The following RARB variants were observed in gnomAD, a reference collection of about 807,000 sequenced individuals.
RARB encodes HBV-activated protein.
A neutral mutation model predicts 51.9 loss-of-function variants in RARB; 17 were observed. The observed-to-expected ratio is 0.33, with a 90% CI of 0.22 to 0.49. The LOEUF is 0.49. Among genes scored for constraint, RARB ranks in the 20% least tolerant of loss-of-function variants. The pLI, the probability that RARB is intolerant of heterozygous loss-of-function variation, is 0.99. For missense variants in RARB, 369 were observed against 550.8 expected (o/e 0.67, Z 3.30); for synonymous variants, 215 against 195.4 (o/e 1.10, Z -0.84).
intron 3 of RARB, among the ~76,000 whole-genome samples, chr3:25,562,912 G>A (rs1700330609): frequency 6.6e-6 from 1 of 152,186 alleles, no homozygotes; most frequent in South Asian, 2.1e-4. Context: ...AGTTTCATTA[G>A]CATAACATAC....
At chr3:25,550,198 A>G (rs939993246) in intron 3 of RARB, among the ~76,000 whole-genome samples, 8 of 152,212 alleles carry the variant, frequency 5.3e-5, no homozygotes, top group African/African-American at 1.9e-4. Context: ...TGGCAGTAAA[A>G]TCTGTCTACA....
At chr3:25,395,250 G>T (rs575581329) in intron 5 of RARB, among the ~76,000 whole-genome samples, 22 of 152,282 alleles carry the variant, frequency 1.4e-4, no homozygotes, top group Admixed American at 1.3e-3. Context: ...GTGGCTTGAA[G>T]GGTTTCTGCT....
intron 2 of RARB, among the ~76,000 whole-genome samples, chr3:24,971,887 T>C (rs769493428): frequency 2.0e-5 from 3 of 152,014 alleles, no homozygotes; most frequent in Admixed American, 6.6e-5. Flanking sequence ...ATTTTTGTTA[T>C]ATTGATACAT....
chr3:25,565,241 T>TC (rs1183061184), intron 3 of RARB, among the ~76,000 whole-genome samples: 1 of 152,222 alleles, frequency 6.6e-6, no homozygotes, highest in African/African-American at 2.4e-5. Context: ...GGCAGGGTAC[T>TC]CACCTTCCTG....
chr3:25,565,890 C>T lies in RARB; in HGVS notation c.449-3868C>T, dbSNP rs139816975. ...ATCTCGGGGGAGGCTCTGAAAGGAG[C>T]TGTCTCCTCTGGAGTTGACCCCAGG... is the stretch of plus-strand genomic sequence containing the variant. On this transcript the variant is annotated intron_variant, in intron 3 of 7. Transcript: ENST00000330688. Among the ~76,000 whole-genome samples, 620 of 152,270 alleles carry T rather than the reference C, an allele frequency of 4.1e-3. 1 individual carries two copies. The highest frequency in any genetic ancestry group is 6.7e-3 in the Non-Finnish European group (453 of 68,010).
rs987823207 is a variant in RARB, at chr3:25,501,165, T to A, written c.307-17T>A. The A allele has an allele frequency of 6.4e-7, 1 of 1,566,986 alleles. No homozygotes were observed. Among genetic ancestry groups the A allele is most frequent in the Non-Finnish European group, 8.6e-7 (1 of 1,163,468 alleles). The stretch of plus-strand genomic sequence containing the variant: ...ATTTGCTTTACTGAGTTTTTTCATC[T>A]TCTTGCTTGCTTGCAGGGCTTTTTC... On this transcript the variant is annotated splice_polypyrimidine_tract_variant and intron_variant, in intron 2 of 7. Transcript: ENST00000330688.
chr3:25,577,397 CAT>C (rs1700982844), intron 4 of RARB, among the ~76,000 whole-genome samples: 2 of 152,122 alleles, frequency 1.3e-5, no homozygotes, highest in Admixed American at 1.3e-4. Context: ...CATGCAAAAA[CAT>C]ACAAAATGCA....
chr3:25,069,737 G>A (rs1259910478), intron 3 of RARB, among the ~76,000 whole-genome samples: 1 of 152,202 alleles, frequency 6.6e-6, no homozygotes, highest in African/African-American at 2.4e-5. Context: ...AGATGAATGA[G>A]CAGTCTTTTT....
chr3:24,962,090 T>C (rs558922677), intron 2 of RARB, among the ~76,000 whole-genome samples: 16 of 152,052 alleles, frequency 1.1e-4, no homozygotes, highest in Non-Finnish European at 2.4e-4. Context: ...CCACCACACC[T>C]GGCTGATTTT....
intron 2 of RARB, among the ~76,000 whole-genome samples, chr3:24,964,982 A>G (rs1183032361): frequency 6.6e-6 from 1 of 152,200 alleles, no homozygotes; most frequent in Non-Finnish European, 1.5e-5. Context: ...AAGTATTGGC[A>G]ACCAAAGATA....
At chr3:25,441,014 G>A (rs1209714639) in intron 1 of RARB, 2 of 134,004 alleles carry the variant, frequency 1.5e-5, no homozygotes, top group African/African-American at 2.8e-5. Flanking sequence ...ATATACCTAG[G>A]TACCTTTTGA....
chr3:25,084,347 G>T (rs1456387397), intron 3 of RARB, among the ~76,000 whole-genome samples: 1 of 152,014 alleles, frequency 6.6e-6, no homozygotes, highest in Non-Finnish European at 1.5e-5. Flanking sequence ...TAGTTCTTTA[G>T]AAGAACTCTG....
chr3:24,941,615 A>C (rs1287705363), intron 2 of RARB, among the ~76,000 whole-genome samples: 1 of 152,102 alleles, frequency 6.6e-6, no homozygotes, highest in Admixed American at 6.5e-5. Flanking sequence ...TGATCCGCCC[A>C]CCTCAGCCTC....
At chr3:25,231,930 T>A (rs1312489364) in intron 5 of RARB, among the ~76,000 whole-genome samples, 1 of 152,102 alleles carries the variant, frequency 6.6e-6, no homozygotes, top group African/African-American at 2.4e-5. Flanking sequence ...CAATATATTT[T>A]TTTTTCTTTC....
chr3:25,222,052 C>T (rs937410783), intron 5 of RARB, among the ~76,000 whole-genome samples: 1 of 152,198 alleles, frequency 6.6e-6, no homozygotes, highest in Non-Finnish European at 1.5e-5. Context: ...CGAGCTATCA[C>T]TCTCATTAAG....
At chr3:25,458,812 CTAAT>C (rs1430098532) in intron 1 of RARB, among the ~76,000 whole-genome samples, 2 of 152,076 alleles carry the variant, frequency 1.3e-5, no homozygotes, top group African/African-American at 2.4e-5. Flanking sequence ...TTCCAAAGGG[CTAAT>C]TAATTACTTT....
At chr3:25,467,931 G>A (rs575167516) in intron 2 of RARB, among the ~76,000 whole-genome samples, 1 of 152,178 alleles carries the variant, frequency 6.6e-6, no homozygotes, top group African/African-American at 2.4e-5. Context: ...TTTAAATTTG[G>A]AAAACAATAA....
At chr3:24,865,408 T>C (rs1191357490) in intron 2 of RARB, among the ~76,000 whole-genome samples, 14 of 152,148 alleles carry the variant, frequency 9.2e-5, no homozygotes, top group Non-Finnish European at 8.8e-5. Context: ...ATCTTCAGCA[T>C]TGACTCATTG....
intron 2 of RARB, among the ~76,000 whole-genome samples, chr3:25,027,437 T>C (rs1697772123): frequency 1.3e-5 from 2 of 152,142 alleles, no homozygotes; most frequent in South Asian, 4.1e-4. Flanking sequence ...ATATGATTTA[T>C]AGGGAGACAT....
Sources: allele counts gnomAD v4.1 joint callset (sites outside exome capture counted in the v4.1 genomes callset), GRCh38; gene constraint gnomAD v4.1.1; transcripts MANE v1.5; gene names NCBI Gene and HGNC (gene_info 2026-07-23, HGNC 2026-07-21).